The following PCDH10 variants were observed in gnomAD, a reference collection of about 807,000 sequenced individuals.
The protein encoded by PCDH10 is protocadherin 10.
Under a neutral mutation model 74.4 loss-of-function variants are expected in PCDH10, and 15 were observed. That is an observed-to-expected ratio of 0.20 (90% confidence interval 0.13 to 0.31). PCDH10 has a LOEUF of 0.31. Among genes scored for constraint, PCDH10 ranks in the 10% least tolerant of loss-of-function variants. The probability of loss-of-function intolerance (pLI) is 1.00; values close to 1 mark genes in which losing one functional copy is unlikely to be tolerated. For missense variants in PCDH10, 1,260 were observed against 1,390.2 expected (o/e 0.91, Z 1.49); for synonymous variants, 619 against 589.8 (o/e 1.05, Z -0.72).
intron 3 of PCDH10, among the ~76,000 whole-genome samples, chr4:133,159,122 A>T (rs1726917049): frequency 6.6e-6 from 1 of 152,100 alleles, no homozygotes; most frequent in Admixed American, 6.6e-5. Flanking sequence ...AAATTAATTT[A>T]TCATATTTGG....
At chr4:133,161,143 C>G (rs983304531) in intron 3 of PCDH10, among the ~76,000 whole-genome samples, 1 of 152,094 alleles carries the variant, frequency 6.6e-6, no homozygotes, top group Non-Finnish European at 1.5e-5. Context: ...ATTCCTTAAT[C>G]CCAGCTTCAG....
At chr4:133,167,829 A>C (rs2125865248) in intron 4 of PCDH10, among the ~76,000 whole-genome samples, 1 of 151,328 alleles carries the variant, frequency 6.6e-6, no homozygotes. Context: ...TTTTTCATTA[A>C]ATTCCTTTAT....
intron 4 of PCDH10, among the ~76,000 whole-genome samples, chr4:133,168,785 T>G (rs981243351): frequency 2.6e-5 from 4 of 151,724 alleles, no homozygotes; most frequent in African/African-American, 9.7e-5. Flanking sequence ...ATGCAAAATT[T>G]CATTAATGTT....
chr4:133,152,097 C>T lies in PCDH10; in HGVS notation c.1957C>T (p.Pro653Ser). ...CCCGGCCAAGCGCGACCCCCAGCGG[C>T]CTTATGAGCTGGTGATCGAGGTGCG... is the stretch of plus-strand genomic sequence containing the variant. ...RVPAKRDPQRPYELVIEVRDH... is the reference protein window; with the variant it reads ...RVPAKRDPQRSYELVIEVRDH... Residue 653 changes from proline to serine, a missense_variant, in exon 1 of 5, where the codon CCT becomes TCT. Physicochemically the swap from Pro to Ser is moderately conservative, Grantham distance 74. Coordinates refer to ENST00000264360, the MANE Select transcript of PCDH10 (RefSeq NM_032961.3). The T allele has an allele frequency of 1.9e-6, 3 of 1,586,950 alleles. No individual in the cohort carries two copies. Among genetic ancestry groups the T allele is most frequent in the South Asian group, 1.2e-5 (1 of 86,698 alleles).
chr4:133,150,290 T>C lies in PCDH10; in HGVS notation c.150T>C (p.Ala50=), dbSNP rs1726630715. ...GTCTGGACATTACAAAACTTTCGGC[T>C]CGCGGGTTTCAGACGGTGCCCAACT... ...DLGLDITKLS[A]RGFQTVPNSR... Residue 50 remains alanine, a synonymous_variant, in exon 1 of 5, where the codon GCT becomes GCC. Coordinates refer to ENST00000264360, the MANE Select transcript of PCDH10 (RefSeq NM_032961.3). 12 of 1,613,890 alleles carry C rather than the reference T, an allele frequency of 7.4e-6. No homozygotes were observed. The highest frequency in any genetic ancestry group is 1.0e-5 in the Non-Finnish European group (12 of 1,179,970).
At chr4:133,170,060 G>T (rs2125866091) in intron 4 of PCDH10, among the ~76,000 whole-genome samples, 1 of 152,056 alleles carries the variant, frequency 6.6e-6, no homozygotes, top group East Asian at 1.9e-4. Context: ...CGTAAAGCTT[G>T]ACCTACTTCA....
chr4:133,151,770 G>A lies in PCDH10; in HGVS notation c.1630G>A (p.Glu544Lys). ...EQLKDFSFQV[E>K]ARDAGSPQAL... ...GCTGAAGGACTTCAGTTTTCAGGTG[G>A]AAGCCCGGGACGCTGGCAGCCCCCA... is the stretch of plus-strand genomic sequence containing the variant. Residue 544 changes from glutamate (E) to lysine (K), a missense_variant, in exon 1 of 5, where the codon GAA becomes AAA. This residue lies in a region of PCDH10 where 587 missense variants were observed against 616.9 expected (regional missense o/e 0.95). Coordinates refer to ENST00000264360, the MANE Select transcript of PCDH10 (RefSeq NM_032961.3). 1 of 1,613,108 alleles carries A rather than the reference G, an allele frequency of 6.2e-7. No individual in the cohort carries two copies. Among genetic ancestry groups the A allele is most frequent in the South Asian group, 1.1e-5 (1 of 91,086 alleles).
Position 133,152,311 on chromosome 4 carries a change from C to G in PCDH10, c.2171C>G (p.Ser724Trp). Residue 724 changes from serine (S) to tryptophan (W), a missense_variant, in exon 1 of 5, where the codon TCG becomes TGG. Ser to Trp is a radical substitution (Grantham distance 177, BLOSUM62 -3). Around this residue, in one of 11 missense-constraint regions of PCDH10, gnomAD observed 587 missense variants for 616.9 expected, o/e 0.95. Coordinates refer to ENST00000264360, the MANE Select transcript of PCDH10 (RefSeq NM_032961.3). ...CTCATCCTCATCATCGCGTTGGGCT[C>G]GGTGTCCTTCATCTTCCTGCTGGCC... Reference protein sequence around the residue: ...LTLILIIALGSVSFIFLLAMI... With the variant: ...LTLILIIALGWVSFIFLLAMI... 6.2e-7 allele frequency: 1 copy of G among 1,614,186 alleles called. No homozygotes were observed. The highest frequency in any genetic ancestry group is 8.5e-7 in the Non-Finnish European group (1 of 1,180,040).
chr4:133,163,014 A>G lies in PCDH10; in HGVS notation c.2835A>G (p.Lys945=). The G allele has an allele frequency of 6.2e-7, 1 of 1,613,834 alleles. No homozygotes were observed. Among genetic ancestry groups the G allele is most frequent in the African/African-American group, 1.3e-5 (1 of 75,026 alleles). Reference sequence around the variant, plus strand: ...TCTCCAATTGCACTGAGGAATGTAAAGCTCTGGGCCACTCAGATCGGTGCT... The same window carrying G: ...TCTCCAATTGCACTGAGGAATGTAAGGCTCTGGGCCACTCAGATCGGTGCT... ...DLFSNCTEEC[K]ALGHSDRCWM... is the part of the protein sequence containing the mutation. The change falls in exon 4 of 5, where the codon AAA becomes AAG. Residue 945 remains lysine (K), a synonymous_variant. Transcript: ENST00000264360.
intron 2 of PCDH10, among the ~76,000 whole-genome samples, chr4:133,202,570 G>A (rs1727925314): frequency 6.6e-6 from 1 of 152,032 alleles, no homozygotes; most frequent in African/African-American, 2.4e-5. Context: ...TTTATATTGT[G>A]TCTCTGTGGG....
Position 133,152,681 on chromosome 4 carries a change from C to T in PCDH10, c.2541C>T (p.Asp847=), listed in dbSNP as rs894886772. ...CCTGCAGCCCTTCGCGGAGTACGGA[C>T]ACTGAGCACAACCCCTGCGGGGCCA... ...LKPCSPSRST[D]TEHNPCGAIV... Residue 847 remains aspartate, a synonymous_variant, in exon 1 of 5, where the codon GAC becomes GAT. Coordinates refer to ENST00000264360, the MANE Select transcript of PCDH10 (RefSeq NM_032961.3). 3.7e-6 allele frequency: 6 copies of T among 1,614,222 alleles called. No individual in the cohort carries two copies. Among genetic ancestry groups the T allele is most frequent in the East Asian group, 2.2e-5 (1 of 44,862 alleles).
intron 3 of PCDH10, among the ~76,000 whole-genome samples, chr4:133,160,045 T>G (rs1726934972): frequency 6.6e-6 from 1 of 152,022 alleles, no homozygotes; most frequent in Non-Finnish European, 1.5e-5. Context: ...TGGAATAAAT[T>G]TATGTAGCTC....
intron 4 of PCDH10, among the ~76,000 whole-genome samples, chr4:133,172,462 T>C (rs1269476539): frequency 6.6e-6 from 1 of 151,898 alleles, no homozygotes; most frequent in East Asian, 1.9e-4. Context: ...TATAGAAAAG[T>C]ACAAAAATCA....
downstream of PCDH10, among the ~76,000 whole-genome samples, chr4:133,195,134 AT>A (rs1727769489): frequency 6.6e-6 from 1 of 152,086 alleles, no homozygotes; most frequent in Non-Finnish European, 1.5e-5. Flanking sequence ...TAAGGGATAG[AT>A]ACTTTTTACA....
rs1043913290 is a variant in PCDH10 at position 133,149,822 on chromosome 4, G to A, written c.-319G>A. The A allele has an allele frequency of 9.6e-6, 2 of 209,382 alleles. No homozygotes were observed. The highest frequency in any genetic ancestry group is 1.9e-5 in the Non-Finnish European group (2 of 105,882). 13.0% of individuals were successfully genotyped at this position (209,382 alleles called of 1,614,324 possible). Reference sequence around the variant, plus strand: ...AATTTCCTCTTTGGGATTTGCCAGCGCCAAGACTGTCGGAATAAAGGACGC... The same window carrying A: ...AATTTCCTCTTTGGGATTTGCCAGCACCAAGACTGTCGGAATAAAGGACGC... On this transcript the variant is annotated 5_prime_UTR_variant, in exon 1 of 5. Coordinates refer to ENST00000264360, the MANE Select transcript of PCDH10 (RefSeq NM_032961.3).
intron 4 of PCDH10, among the ~76,000 whole-genome samples, chr4:133,171,885 A>G (rs1560710696): frequency 6.6e-6 from 1 of 152,082 alleles, no homozygotes; most frequent in Non-Finnish European, 1.5e-5. Context: ...AGAAATGCAT[A>G]TCAGATGATT....
Position 133,163,195 on chromosome 4 carries a change from G to A in PCDH10, c.3016G>A (p.Glu1006Lys). 6.2e-7 allele frequency: 1 copy of A among 1,614,184 alleles called. No homozygotes were observed. Among genetic ancestry groups the A allele is most frequent in the Non-Finnish European group, 8.5e-7 (1 of 1,180,030 alleles). Residue 1006 changes from glutamate to lysine, a missense_variant, in exon 4 of 5, where the codon GAG (glutamate) becomes AAG (lysine). By Grantham distance (56) the Glu-to-Lys change is moderately conservative (BLOSUM62 1). Around this residue, in one of 11 missense-constraint regions of PCDH10, gnomAD observed 136 missense variants for 149.3 expected, o/e 0.91. Coordinates refer to ENST00000264360, the MANE Select transcript of PCDH10 (RefSeq NM_032961.3). ...AERSFSTFGK[E>K]KALHSTLERK... Reference sequence around the variant, plus strand: ...GCGGTCCTTTTCCACCTTTGGCAAAGAGAAGGCCCTTCACAGCACTCTGGA... The same window carrying A: ...GCGGTCCTTTTCCACCTTTGGCAAAAAGAAGGCCCTTCACAGCACTCTGGA...
chr4:133,160,976 G>A (rs148403111), intron 3 of PCDH10, among the ~76,000 whole-genome samples: 18 of 152,098 alleles, frequency 1.2e-4, no homozygotes, highest in African/African-American at 4.3e-4. Flanking sequence ...TGGTTCTGTA[G>A]CCTCTACCTA....
At chr4:133,158,655 T>C (rs991685726) in intron 3 of PCDH10, among the ~76,000 whole-genome samples, 6 of 152,160 alleles carry the variant, frequency 3.9e-5, no homozygotes, top group African/African-American at 1.2e-4. Flanking sequence ...ATTAAGCCAG[T>C]GCATTACTAC....
Sources: allele counts gnomAD v4.1 joint callset (sites outside exome capture counted in the v4.1 genomes callset), GRCh38; gene constraint gnomAD v4.1.1; regional missense constraint gnomAD v4.1.1; transcripts MANE v1.5; gene names NCBI Gene and HGNC (gene_info 2026-07-23, HGNC 2026-07-21).